NBPF12: variants seen among roughly 807,000 people sequenced by gnomAD.
NBPF12 encodes NBPF member 12.
NBPF12 carries 115 observed loss-of-function variants against 146.4 expected under a neutral mutation model. The ratio of observed to expected loss-of-function variants is 0.79; its 90% CI spans 0.68 to 0.92. The LOEUF (loss-of-function observed/expected upper bound fraction) is 0.92, where lower values mean the gene tolerates loss of function less well. Ranked by LOEUF, NBPF12 falls within the 40% of genes least tolerant of loss-of-function variation. The probability of loss-of-function intolerance (pLI) is 0.00; values close to 1 mark genes in which losing one functional copy is unlikely to be tolerated. For missense variants in NBPF12, 1,205 were observed against 1,326.8 expected, an observed-to-expected ratio of 0.91 and a Z score of 1.43; for synonymous variants, 385 against 508.9, an observed-to-expected ratio of 0.76 and a Z score of 3.28.
intron 11 of NBPF12, among the ~76,000 whole-genome samples, chr1:146,970,133 G>A (rs1189472252): frequency 6.6e-6 from 1 of 150,718 alleles, no homozygotes; most frequent in African/African-American, 2.5e-5. Flanking sequence ...CTTGATGTGG[G>A]GGCATTTGGT....
chr1:146,994,948 G>A (rs11581296), exon 34 of NBPF12: 37,070 of 341,828 alleles, frequency 0.11, 2,449 homozygotes, highest in East Asian at 0.22. Flanking sequence ...TCATCCAAAG[G>A]TGTTACCCTG....
intron 12 of NBPF12, among the ~76,000 whole-genome samples, chr1:146,970,940 C>T (rs1212049524): frequency 6.6e-6 from 1 of 151,254 alleles, no homozygotes; most frequent in East Asian, 1.9e-4. Flanking sequence ...GAGTCTTCAT[C>T]CTCCTCAGCT....
At chr1:146,955,233 G>T (rs1482640314) in intron 2 of NBPF12, among the ~76,000 whole-genome samples, 1 of 50,012 alleles carries the variant, frequency 2.0e-5, no homozygotes, top group Non-Finnish European at 3.7e-5. Context: ...TAAAAAGGCT[G>T]AAAATAGCAC....
In NBPF12 at chr1:146,972,753, C is replaced by T; in HGVS notation, c.1594C>T (p.Pro532Ser). The stretch of plus-strand genomic sequence containing the variant: ...GTGTTTGCCTTTCTTCTCCCCAGTC[C>T]CTGGCCCCACCTCTTCTGCCACAAA... The change falls in exon 14 of 34, where the codon CCT becomes TCT. Residue 532 changes from proline to serine, a missense_variant and splice_region_variant. By Grantham distance (74) the Pro-to-Ser change is moderately conservative. Transcript: ENST00000617844. 12 of 1,278,902 alleles carry T rather than the reference C, an allele frequency of 9.4e-6. No individual in the cohort carries two copies. The South Asian group carries it at 1.3e-4, about 14-fold the overall frequency. The allele number at this position is 1,278,902 out of a possible 1,614,324, so 79.2% of individuals were successfully genotyped here. A position where few individuals can be genotyped will look rare whatever the true frequency, so the allele number is the denominator to read the frequency against.
At chr1:146,971,312 G>C in exon 13 of NBPF12, 3 of 1,612,178 alleles carry the variant, frequency 1.9e-6, no homozygotes, top group Non-Finnish European at 2.5e-6. Flanking sequence ...TCACATTTGA[G>C]GAAGACAAAG....
intron 8 of NBPF12, among the ~76,000 whole-genome samples, chr1:146,966,116 ACAAAAAAC>A (rs1305033161): frequency 6.6e-6 from 1 of 151,958 alleles, no homozygotes; most frequent in Non-Finnish European, 1.5e-5. Context: ...CAAACAGAAA[ACAAAAAAC>A]CAAAAAAGAA....
upstream of NBPF12, among the ~76,000 whole-genome samples, chr1:146,948,719 C>G (rs1356164180): frequency 2.6e-5 from 4 of 151,796 alleles, no homozygotes; most frequent in African/African-American, 7.3e-5. Flanking sequence ...TGTCCCCCAG[C>G]CCGACACCCG....
At chr1:146,966,339 A>C (rs1220176201) in intron 8 of NBPF12, 125 bp from the exon 12 acceptor site, 7 of 892,004 alleles carry the variant, frequency 7.8e-6, no homozygotes, top group Non-Finnish European at 1.3e-5. Context: ...GACAAGAGTG[A>C]AACCAGGGAA....
chr1:146,976,707 C>T (rs1437374220), intron 16 of NBPF12, among the ~76,000 whole-genome samples: 2 of 151,724 alleles, frequency 1.3e-5, no homozygotes, highest in African/African-American at 4.9e-5. Context: ...AAGATCTTTT[C>T]AGTATTTGGC....
intron 1 of NBPF12, among the ~76,000 whole-genome samples, chr1:146,950,136 C>A (rs1275690968): frequency 1.3e-5 from 2 of 152,076 alleles, no homozygotes; most frequent in Non-Finnish European, 2.9e-5. Context: ...ATTCCCCCAT[C>A]TGCAAAGTGC....
At chr1:146,963,711 T>C (rs1656011694) in intron 6 of NBPF12, among the ~76,000 whole-genome samples, 1 of 151,192 alleles carries the variant, frequency 6.6e-6, no homozygotes, top group Non-Finnish European at 1.5e-5. Flanking sequence ...TTTCTCTCTC[T>C]CCATCTGCAA....
chr1:146,969,689 G>A (rs1458516168), intron 11 of NBPF12, 93 bp downstream of exon 14: 2 of 1,549,068 alleles, frequency 1.3e-6, no homozygotes, highest in East Asian at 2.3e-5. Context: ...GTATCAGTGG[G>A]GTTTTTTTCT....
At position 146,965,032 on chromosome 1, in the gene NBPF12, GTCAAC is replaced by G. The variant is rs1656099805; in HGVS notation, c.713_717del (p.Ser238CysfsTer10). The G allele has an allele frequency of 6.2e-7, 1 of 1,608,522 alleles. No individual in the cohort carries two copies. The highest frequency in any genetic ancestry group is 8.5e-7 in the Non-Finnish European group (1 of 1,178,826). On this transcript the variant is annotated frameshift_variant, in exon 8 of 34. Transcript: ENST00000617844. LOFTEE classifies it high-confidence loss of function. ...CAAAATCACATTTGAGGAAGACAAAGTCAACTCAACTGTGGTTGTAGACAGAAAAT... is the reference window on the plus strand; with the variant it reads ...CAAAATCACATTTGAGGAAGACAAAGTCAACTGTGGTTGTAGACAGAAAAT...
intron 14 of NBPF12, among the ~76,000 whole-genome samples, chr1:146,974,268 T>G (rs1227594559): frequency 1.7e-4 from 24 of 145,182 alleles, no homozygotes; most frequent in South Asian, 8.8e-4. Context: ...AAGATATGAT[T>G]AAAAAATCAA....
upstream of NBPF12, among the ~76,000 whole-genome samples, chr1:146,948,069 G>A (rs1476765683): frequency 2.0e-5 from 3 of 151,732 alleles, no homozygotes; most frequent in Non-Finnish European, 2.9e-5. Context: ...CGAATGCAAC[G>A]GCGCCATCTC....
At chr1:146,977,231 G>C (rs1251882524) in intron 17 of NBPF12, among the ~76,000 whole-genome samples, 5 of 137,212 alleles carry the variant, frequency 3.6e-5, no homozygotes, top group African/African-American at 1.1e-4. Context: ...ATCCTTCTCA[G>C]CTCCTATCTG....
chr1:146,944,112 G>A (rs1397954051), intron 2 of NBPF12, among the ~76,000 whole-genome samples: 6 of 121,292 alleles, frequency 4.9e-5, no homozygotes, highest in Non-Finnish European at 8.4e-5. Context: ...TTTGAAGGCC[G>A]ATCCCATCTC....
chr1:146,942,527 G>T (rs1294612335), intron 1 of NBPF12, among the ~76,000 whole-genome samples: 1 of 151,202 alleles, frequency 6.6e-6, no homozygotes, highest in Non-Finnish European at 1.5e-5. Flanking sequence ...TTTGTTAAAT[G>T]AATGAATGAA....
chr1:146,945,300 C>T (rs1196322963), upstream of NBPF12, among the ~76,000 whole-genome samples: 2 of 151,354 alleles, frequency 1.3e-5, no homozygotes, highest in Non-Finnish European at 2.9e-5. Context: ...CTCCCAGCCT[C>T]CTCCTCCTCT....
Sources: allele counts gnomAD v4.1 joint callset (sites outside exome capture counted in the v4.1 genomes callset), GRCh38; gene constraint gnomAD v4.1.1; transcripts MANE v1.5; gene names NCBI Gene and HGNC (gene_info 2026-07-23, HGNC 2026-07-21).